Variants in RXRA observed in about 807,000 individuals in gnomAD.
RXRA encodes retinoic acid receptor RXR-alpha.
RXRA carries 5 observed loss-of-function variants against 44.5 expected under a neutral mutation model. The ratio of observed to expected loss-of-function variants is 0.11; its 90% CI spans 0.06 to 0.24. RXRA has a LOEUF of 0.24. RXRA is among the 10% of genes least tolerant of loss of function. The pLI is 1.00. For missense variants in RXRA, 412 were observed against 646.5 expected, an observed-to-expected ratio of 0.64 and a Z score of 3.93; for synonymous variants, 291 against 271.4, an observed-to-expected ratio of 1.07 and a Z score of -0.71.
chr9:134,344,874 A>G (rs1293944811), intron 1 of RXRA, among the ~76,000 whole-genome samples: 3 of 152,180 alleles, frequency 2.0e-5, no homozygotes, highest in Non-Finnish European at 2.9e-5. Context: ...CACTGGTGGT[A>G]GTGATGGGAC....
chr9:134,401,411 G>A (rs956024575), intron 1 of RXRA: 12 of 675,552 alleles, frequency 1.8e-5, no homozygotes, highest in South Asian at 5.7e-5. Flanking sequence ...GCCTAAAGCC[G>A]GGGTCAGGCG....
intron 1 of RXRA, among the ~76,000 whole-genome samples, chr9:134,389,999 T>G (rs1039561521): frequency 3.9e-5 from 6 of 152,156 alleles, no homozygotes; most frequent in African/African-American, 1.4e-4. Context: ...CCCTGATATG[T>G]GCCGATTGGT....
chr9:134,372,274 G>C (rs1215840277), intron 1 of RXRA: 1 of 152,252 alleles, frequency 6.6e-6, no homozygotes, highest in Non-Finnish European at 1.5e-5. Context: ...CAGGACACGC[G>C]CCCACTGGGG....
At chr9:134,404,158 G>A (rs1438709634) in intron 2 of RXRA, 3 of 152,366 alleles carry the variant, frequency 2.0e-5, no homozygotes, top group East Asian at 3.9e-4. Context: ...AGAGTCGCTG[G>A]AGCCAGAGAG....
At chr9:134,380,184 C>G in intron 1 of RXRA, 1 of 985,338 alleles carries the variant, frequency 1.0e-6, no homozygotes, top group South Asian at 4.7e-5. Flanking sequence ...TGGGGGTGGC[C>G]CCCCGCGGTG....
chr9:134,381,717 C>G (rs1202532808), intron 1 of RXRA, among the ~76,000 whole-genome samples: 1 of 152,098 alleles, frequency 6.6e-6, no homozygotes, highest in African/African-American at 2.4e-5. Context: ...GGGGGTGGGG[C>G]CTCCTGGTTC....
At chr9:134,395,965 G>T (rs1830871683) in intron 1 of RXRA, among the ~76,000 whole-genome samples, 1 of 152,248 alleles carries the variant, frequency 6.6e-6, no homozygotes, top group South Asian at 2.1e-4. Flanking sequence ...GGGGCTGGAG[G>T]TGACAGGCCC....
intron 1 of RXRA, among the ~76,000 whole-genome samples, chr9:134,352,874 A>G (rs782242866): frequency 1.3e-5 from 2 of 152,174 alleles, no homozygotes; most frequent in African/African-American, 2.4e-5. Context: ...CCCTGGAGAC[A>G]TGGGAGTTCT....
intron 1 of RXRA, chr9:134,379,606 A>G: frequency 2.0e-6 from 2 of 985,172 alleles, no homozygotes; most frequent in South Asian, 9.4e-5. Context: ...GTGCTCCCTG[A>G]CAGCCGCAGG....
chr9:134,410,084 T>C (rs1831123881), intron 4 of RXRA, among the ~76,000 whole-genome samples: 1 of 152,206 alleles, frequency 6.6e-6, no homozygotes, highest in South Asian at 2.1e-4. Context: ...CATTTCATCA[T>C]CTCTCTTGTG....
intron 1 of RXRA, among the ~76,000 whole-genome samples, chr9:134,364,148 C>A (rs1223151677): frequency 6.6e-6 from 1 of 152,202 alleles, no homozygotes; most frequent in Non-Finnish European, 1.5e-5. Context: ...TCTTTTCCCC[C>A]CAAATCTCCA....
chr9:134,349,363 G>A lies in RXRA; in HGVS notation c.28+22704G>A, dbSNP rs1337607525. Among the ~76,000 whole-genome samples the A allele has an allele frequency of 6.6e-6, 1 of 152,180 alleles. No individual in the cohort carries two copies. The highest frequency in any genetic ancestry group is 6.5e-5 in the Admixed American group (1 of 15,284). ...CCTCGGCCTGGTGGAGGGCTTCGCC[G>A]AGCTTGGTGGCAGGGAGGGAAGGCC... On this transcript the variant is annotated intron_variant, in intron 1 of 9. Coordinates refer to ENST00000481739, the MANE Select transcript of RXRA (RefSeq NM_002957.6). This position sits in a 1 kb window ranked among gnomAD's most constrained non-coding sequence, Gnocchi z 4.3.
chr9:134,371,007 A>C (rs1042956282), intron 1 of RXRA, among the ~76,000 whole-genome samples: 2 of 151,698 alleles, frequency 1.3e-5, no homozygotes, highest in Admixed American at 6.6e-5. Context: ...AGGCCGCATC[A>C]GCCTCACTTG....
intron 6 of RXRA, chr9:134,424,304 G>T (rs1021842950): frequency 1.0e-6 from 1 of 985,252 alleles, no homozygotes; most frequent in East Asian, 1.1e-4. Flanking sequence ...AAGCCATCCC[G>T]TGGCATCTCT....
At chr9:134,434,943 A>T (rs1831592867) in intron 9 of RXRA, among the ~76,000 whole-genome samples, 1 of 152,114 alleles carries the variant, frequency 6.6e-6, no homozygotes, top group Non-Finnish European at 1.5e-5. Context: ...TACACAGTTA[A>T]CCGTGTCCCC....
At chr9:134,415,408 G>A (rs1259561456) in intron 4 of RXRA, among the ~76,000 whole-genome samples, 1 of 151,244 alleles carries the variant, frequency 6.6e-6, no homozygotes, top group Non-Finnish European at 1.5e-5. Context: ...GGGGCAGGGA[G>A]GGTGCCACAG....
At chr9:134,348,004 A>G (rs1418714491) in intron 1 of RXRA, among the ~76,000 whole-genome samples, 2 of 152,060 alleles carry the variant, frequency 1.3e-5, no homozygotes, top group African/African-American at 4.8e-5. Flanking sequence ...GGTCATGGCC[A>G]TGGCTGTGGG....
chr9:134,399,181 G>A (rs1230631760), intron 1 of RXRA, among the ~76,000 whole-genome samples: 1 of 152,230 alleles, frequency 6.6e-6, no homozygotes, highest in Non-Finnish European at 1.5e-5. Context: ...GCTGAAGGTG[G>A]GTGAGGTGGG....
chr9:134,354,032 G>A (rs533269886), intron 1 of RXRA, among the ~76,000 whole-genome samples: 6 of 152,306 alleles, frequency 3.9e-5, no homozygotes, highest in South Asian at 2.1e-4. Flanking sequence ...AGGCAAAGAC[G>A]GAGCCTAGAC....
Sources: gnomAD v4.1 joint callset for allele counts (sites outside exome capture counted in the v4.1 genomes callset) on GRCh38, gnomAD v4.1.1 for gene constraint, Gnocchi (gnomAD v3.1) non-coding constraint, MANE v1.5 for transcripts, NCBI Gene and HGNC (gene_info 2026-07-23, HGNC 2026-07-21) for gene names.